LSAMP: variants seen among roughly 807,000 people sequenced by gnomAD.
LSAMP encodes the protein limbic system-associated membrane protein.
A neutral mutation model predicts 38.6 loss-of-function variants in LSAMP; 7 were observed. That is an observed-to-expected ratio of 0.18 (90% CI 0.10 to 0.34). The LOEUF (loss-of-function observed/expected upper bound fraction) is 0.34. LSAMP is among the 10% of genes least tolerant of loss of function. The probability of loss-of-function intolerance (pLI) is 1.00; values close to 1 mark genes in which losing one functional copy is unlikely to be tolerated. For synonymous variants in LSAMP, 154 were observed against 166.8 expected (o/e 0.92, Z 0.59); for missense variants, 313 against 420.0 (o/e 0.75, Z 2.23).
chr3:115,998,849 T>A (rs1397968571), intron 3 of LSAMP, among the ~76,000 whole-genome samples: 1 of 152,098 alleles, frequency 6.6e-6, no homozygotes, highest in Non-Finnish European at 1.5e-5. Context: ...TAGGATAACA[T>A]CTATCTCCTC....
intron 6 of LSAMP, among the ~76,000 whole-genome samples, chr3:115,822,509 TACCACC>T (rs1934277659): frequency 6.6e-6 from 1 of 151,966 alleles, no homozygotes; most frequent in Admixed American, 6.6e-5. Flanking sequence ...TACAGGCATA[TACCACC>T]ATGCTTAGCT....
intron 1 of LSAMP, among the ~76,000 whole-genome samples, chr3:116,104,557 CCTTT>C (rs1277171293): frequency 1.3e-5 from 2 of 152,008 alleles, no homozygotes; most frequent in Non-Finnish European, 2.9e-5. Flanking sequence ...ATTAACTGAC[CCTTT>C]CTATTATATC....
At chr3:116,241,101 C>T (rs1374711220) in intron 1 of LSAMP, among the ~76,000 whole-genome samples, 5 of 151,564 alleles carry the variant, frequency 3.3e-5, no homozygotes, top group South Asian at 2.1e-4. Flanking sequence ...TGCTTGAACC[C>T]GAGAGGCAGA....
At chr3:116,139,128 T>C (rs186646199) in intron 1 of LSAMP, among the ~76,000 whole-genome samples, 1 of 151,950 alleles carries the variant, frequency 6.6e-6, no homozygotes, top group African/African-American at 2.4e-5. Flanking sequence ...AATCTGCTCA[T>C]AATTCTGCTG....
chr3:115,859,378 G>T (rs1935604953), intron 3 of LSAMP, among the ~76,000 whole-genome samples: 1 of 152,182 alleles, frequency 6.6e-6, no homozygotes. Context: ...AACAAAAACG[G>T]AGAGATGTGA....
intron 1 of LSAMP, among the ~76,000 whole-genome samples, chr3:116,184,900 T>C (rs184475667): frequency 2.5e-3 from 381 of 152,028 alleles, no homozygotes; most frequent in Non-Finnish European, 3.8e-3. Flanking sequence ...CACAGTTTTG[T>C]TTTCCTTTCA....
intron 3 of LSAMP, among the ~76,000 whole-genome samples, chr3:115,930,285 G>A (rs887434847): frequency 7.9e-5 from 12 of 151,902 alleles, no homozygotes; most frequent in African/African-American, 1.2e-4. Context: ...GTAGATCCAC[G>A]GCTAAAAGAA....
chr3:116,271,652 G>A (rs1935258771), intron 1 of LSAMP, among the ~76,000 whole-genome samples: 1 of 151,862 alleles, frequency 6.6e-6, no homozygotes. Flanking sequence ...GAAAACAAAT[G>A]GAAACTTTTT....
chr3:116,126,024 T>C (rs1213455794), intron 1 of LSAMP, among the ~76,000 whole-genome samples: 1 of 152,212 alleles, frequency 6.6e-6, no homozygotes, highest in Non-Finnish European at 1.5e-5. Context: ...GCAGACTGGA[T>C]TCTTCTGCAG....
intron 1 of LSAMP, among the ~76,000 whole-genome samples, chr3:116,099,211 A>C (rs1433195253): frequency 6.6e-6 from 1 of 152,210 alleles, no homozygotes; most frequent in East Asian, 1.9e-4. Context: ...CCTATGATTC[A>C]AAAGTACCAT....
chr3:116,238,476 G>A (rs769694205), intron 1 of LSAMP, among the ~76,000 whole-genome samples: 15 of 152,252 alleles, frequency 9.9e-5, no homozygotes, highest in Admixed American at 2.0e-4. Context: ...GGAGTTACTC[G>A]CATATGGGAC....
At chr3:116,436,117 C>T (rs1367699816) in intron 1 of LSAMP, among the ~76,000 whole-genome samples, 1 of 152,178 alleles carries the variant, frequency 6.6e-6, no homozygotes, top group Non-Finnish European at 1.5e-5. Flanking sequence ...GGGGAAAGGA[C>T]ACCCTTTTCA....
intron 1 of LSAMP, among the ~76,000 whole-genome samples, chr3:116,351,790 A>T (rs2048144129): frequency 6.6e-6 from 1 of 152,074 alleles, no homozygotes; most frequent in Non-Finnish European, 1.5e-5. Flanking sequence ...TAATGTGAAT[A>T]AATACATTTG....
chr3:116,344,580 G>A (rs1684832259), intron 1 of LSAMP, among the ~76,000 whole-genome samples: 1 of 151,888 alleles, frequency 6.6e-6, no homozygotes, highest in South Asian at 2.1e-4. Flanking sequence ...TCCTTTAATT[G>A]TCACATCTGA....
intron 1 of LSAMP, among the ~76,000 whole-genome samples, chr3:116,221,484 A>G (rs1290755716): frequency 6.6e-6 from 1 of 152,174 alleles, no homozygotes; most frequent in Non-Finnish European, 1.5e-5. Flanking sequence ...TTCCACTTGT[A>G]TGAGCCTCCA....
chr3:116,142,490 T>G (rs956280277), intron 1 of LSAMP, among the ~76,000 whole-genome samples: 28 of 152,036 alleles, frequency 1.8e-4, no homozygotes, highest in Non-Finnish European at 3.8e-4. Flanking sequence ...TCTCCAGCCA[T>G]AAGTCATTCC....
rs1053513702 is a variant in LSAMP at position 115,803,332 on chromosome 3, G to A, written c.*6985C>T. 7 of 152,236 alleles carry A rather than the reference G, an allele frequency of 4.6e-5. No individual in the cohort carries two copies. Among genetic ancestry groups the A allele is most frequent in the African/African-American group, 1.7e-4 (7 of 41,460 alleles). The allele number at this position is 152,236 out of a possible 1,614,324, so 9.4% of individuals were successfully genotyped here. A position where few individuals can be genotyped will look rare whatever the true frequency, so the allele number is the denominator to read the frequency against. ...AGTGATGAACAAACCCTACTCTTCA[G>A]TGACTGGAAACTCTGATGCCTTCTG... On this transcript the variant is annotated 3_prime_UTR_variant, in exon 7 of 7. Coordinates refer to ENST00000490035, the MANE Select transcript of LSAMP (RefSeq NM_002338.5).
intron 1 of LSAMP, among the ~76,000 whole-genome samples, chr3:116,105,813 A>C (rs1425210729): frequency 6.6e-6 from 1 of 151,146 alleles, no homozygotes; most frequent in Admixed American, 6.6e-5. Flanking sequence ...TATATTAATA[A>C]GAAAAATAAA....
chr3:116,276,648 C>T (rs2047055665), intron 1 of LSAMP, among the ~76,000 whole-genome samples: 1 of 149,106 alleles, frequency 6.7e-6, no homozygotes, highest in African/African-American at 2.5e-5. Flanking sequence ...CAAATACCAC[C>T]TGTACCCCAA....
Sources: gnomAD v4.1 joint callset for allele counts (sites outside exome capture counted in the v4.1 genomes callset) on GRCh38, gnomAD v4.1.1 for gene constraint, MANE v1.5 for transcripts, NCBI Gene and HGNC (gene_info 2026-07-23, HGNC 2026-07-21) for gene names.